MTURN: variants seen among roughly 807,000 people sequenced by gnomAD.
MTURN encodes the protein maturin.
MTURN carries 7 observed loss-of-function variants against 14.9 expected under a neutral mutation model. The observed-to-expected ratio is 0.47, with a 90% CI of 0.27 to 0.88. The LOEUF (loss-of-function observed/expected upper bound fraction) is 0.88. Among genes scored for constraint, MTURN ranks in the 40% least tolerant of loss-of-function variants. The pLI is 0.14. For synonymous variants in MTURN, 69 were observed against 72.5 expected (o/e 0.95, Z 0.25); for missense variants, 151 against 174.1 (o/e 0.87, Z 0.75).
intron 2 of MTURN, among the ~76,000 whole-genome samples, 178 bp downstream of exon 2, chr7:30,146,477 C>T (rs1009304424): frequency 6.6e-6 from 1 of 151,774 alleles, no homozygotes; most frequent in East Asian, 1.9e-4. Flanking sequence ...AGGAGGGGGA[C>T]GGGATGTGAC....
chr7:30,145,295 C>T (rs1344249440), intron 1 of MTURN, among the ~76,000 whole-genome samples: 3 of 152,150 alleles, frequency 2.0e-5, no homozygotes, highest in Admixed American at 6.5e-5. Context: ...TGGATCGAGA[C>T]CAGCCTGGGC....
chr7:30,137,136 C>T (rs1343620119), intron 1 of MTURN: 1 of 155,148 alleles, frequency 6.4e-6, no homozygotes, highest in South Asian at 1.9e-4. Flanking sequence ...CCCCAGGATA[C>T]AGTGGAAAGG....
intron 1 of MTURN, among the ~76,000 whole-genome samples, chr7:30,139,847 C>T (rs1207583822): frequency 6.6e-6 from 1 of 152,232 alleles, no homozygotes; most frequent in Non-Finnish European, 1.5e-5. Context: ...GGACCCCTCT[C>T]TGTGGGCCCC....
chr7:30,154,088 A>C (rs1797250158), intron 2 of MTURN, among the ~76,000 whole-genome samples: 1 of 152,148 alleles, frequency 6.6e-6, no homozygotes, highest in African/African-American at 2.4e-5. Flanking sequence ...AGAGCCAGCA[A>C]ACGAGACACG....
chr7:30,149,578 T>G (rs1797177331), intron 2 of MTURN, among the ~76,000 whole-genome samples: 1 of 152,156 alleles, frequency 6.6e-6, no homozygotes, highest in African/African-American at 2.4e-5. Context: ...GGAGAAACTT[T>G]GACACTCTCC....
chr7:30,136,563 G>C (rs1023144823), intron 1 of MTURN, among the ~76,000 whole-genome samples: 1 of 152,158 alleles, frequency 6.6e-6, no homozygotes, highest in African/African-American at 2.4e-5. Flanking sequence ...GAAGGAGTTA[G>C]GGAGACTGCA....
At chr7:30,138,663 T>C (rs1005886757) in intron 1 of MTURN, among the ~76,000 whole-genome samples, 1 of 152,028 alleles carries the variant, frequency 6.6e-6, no homozygotes, top group Non-Finnish European at 1.5e-5. Context: ...AGCCACTGTC[T>C]ACCCAGCAGT....
chr7:30,144,691 T>C (rs528733458), intron 1 of MTURN, among the ~76,000 whole-genome samples: 9 of 152,246 alleles, frequency 5.9e-5, no homozygotes, highest in Admixed American at 2.0e-4. Context: ...AGATGGTACA[T>C]TGGCACCTAG....
rs754140741 is a variant in MTURN, at chr7:30,135,136, G to A, written c.-1G>A. 6 of 1,446,584 alleles carry A rather than the reference G, an allele frequency of 4.1e-6. No individual in the cohort carries two copies. The highest frequency in any genetic ancestry group is 2.5e-5 in the Admixed American group (1 of 39,930). The allele number at this position is 1,446,584 out of a possible 1,614,324, so 89.6% of individuals were successfully genotyped here. ...CGGCGGGAGGCGGGCGCGGGGCCGCGATGGATTTCCAGCAGCTGGCCGACG... is the reference window on the plus strand; with the variant it reads ...CGGCGGGAGGCGGGCGCGGGGCCGCAATGGATTTCCAGCAGCTGGCCGACG... On this transcript the variant is annotated 5_prime_UTR_variant, in exon 1 of 3. Transcript: ENST00000324453.
At chr7:30,148,120 A>G (rs1797154876) in intron 2 of MTURN, among the ~76,000 whole-genome samples, 1 of 152,252 alleles carries the variant, frequency 6.6e-6, no homozygotes. Context: ...AAGGAAAGAA[A>G]TCAGGGAATG....
At chr7:30,154,851 C>G (rs747950919) in intron 2 of MTURN, among the ~76,000 whole-genome samples, 3 of 152,116 alleles carry the variant, frequency 2.0e-5, no homozygotes, top group Non-Finnish European at 4.4e-5. Flanking sequence ...GGGGACCTGT[C>G]AGTAGATGTG....
At chr7:30,155,526 A>G (rs981125157) in intron 2 of MTURN, among the ~76,000 whole-genome samples, 2 of 152,182 alleles carry the variant, frequency 1.3e-5, no homozygotes, top group African/African-American at 4.8e-5. Flanking sequence ...GGAGCCGGAA[A>G]AAGAGACTTT....
intron 2 of MTURN, among the ~76,000 whole-genome samples, chr7:30,156,578 G>A (rs1797290987): frequency 1.3e-5 from 2 of 152,274 alleles, no homozygotes; most frequent in African/African-American, 2.4e-5. Flanking sequence ...TGTAATCCCA[G>A]CACTTTGGGA....
intron 1 of MTURN, among the ~76,000 whole-genome samples, chr7:30,136,541 CG>C (rs1164868619): frequency 1.3e-5 from 2 of 152,098 alleles, no homozygotes; most frequent in Non-Finnish European, 2.9e-5. Flanking sequence ...TGACCACCTA[CG>C]GGAAGTTCGC....
At chr7:30,138,228 G>A (rs899608467) in intron 1 of MTURN, among the ~76,000 whole-genome samples, 1 of 152,034 alleles carries the variant, frequency 6.6e-6, no homozygotes, top group Admixed American at 6.5e-5. Context: ...TGATTCTTGT[G>A]CGTCAGCCTC....
intron 1 of MTURN, among the ~76,000 whole-genome samples, chr7:30,143,164 T>A (rs1310350986): frequency 6.6e-6 from 1 of 152,136 alleles, no homozygotes; most frequent in Non-Finnish European, 1.5e-5. Flanking sequence ...CCTGTTAATT[T>A]TCCTGAAGAG....
chr7:30,149,354 C>T (rs1014309096), intron 2 of MTURN, among the ~76,000 whole-genome samples: 9 of 152,262 alleles, frequency 5.9e-5, no homozygotes, highest in African/African-American at 2.2e-4. Flanking sequence ...GAGGCCTTGA[C>T]GTGGCACAGC....
rs1212640717 is a variant in MTURN, at chr7:30,160,048, A to G, written c.*2500A>G. 1 of 152,336 alleles carries G rather than the reference A, an allele frequency of 6.6e-6. No homozygotes were observed. Among genetic ancestry groups the G allele is most frequent in the African/African-American group, 2.4e-5 (1 of 41,466 alleles). 9.4% of individuals were successfully genotyped at this position (152,336 alleles called of 1,614,324 possible). A position where few individuals can be genotyped will look rare whatever the true frequency, so the allele number is the denominator to read the frequency against. The stretch of plus-strand genomic sequence containing the variant: ...ACCTGGGTTCTAGTTCAAGTCGGCC[A>G]AGGACTGTGTGACCTTGACAAGTCT... On this transcript the variant is annotated 3_prime_UTR_variant, in exon 3 of 3. Transcript: ENST00000324453.
intron 2 of MTURN, among the ~76,000 whole-genome samples, chr7:30,152,154 C>CT (rs199867190): frequency 2.0e-4 from 29 of 147,914 alleles, no homozygotes; most frequent in South Asian, 6.5e-4. Context: ...TTCTTTTTTC[C>CT]TTTTTTTTTT....
Sources: allele counts gnomAD v4.1 joint callset (sites outside exome capture counted in the v4.1 genomes callset), GRCh38; gene constraint gnomAD v4.1.1; transcripts MANE v1.5; gene names NCBI Gene and HGNC (gene_info 2026-07-23, HGNC 2026-07-21).